Variants in KDM5B observed in about 807,000 individuals in gnomAD.
KDM5B encodes lysine demethylase 5B.
Under a neutral mutation model 193.4 loss-of-function variants are expected in KDM5B, and 144 were observed. That is an observed-to-expected ratio of 0.74 (90% CI 0.65 to 0.86). KDM5B has a LOEUF of 0.86. KDM5B is among the 40% of genes least tolerant of loss of function. The probability of loss-of-function intolerance (pLI) is 0.00; values close to 1 mark genes in which losing one functional copy is unlikely to be tolerated. For missense variants in KDM5B, 1,833 were observed against 1,886.9 expected (o/e 0.97, Z 0.53); for synonymous variants, 668 against 682.6 (o/e 0.98, Z 0.33).
intron 4 of KDM5B, among the ~76,000 whole-genome samples, chr1:202,767,964 C>G (rs1656544422): frequency 6.6e-6 from 1 of 152,146 alleles, no homozygotes; most frequent in African/African-American, 2.4e-5. Context: ...CTAGATTTTA[C>G]AACTGTATAG....
intron 6 of KDM5B, among the ~76,000 whole-genome samples, chr1:202,763,781 C>T (rs1479224270): frequency 6.6e-6 from 1 of 152,062 alleles, no homozygotes; most frequent in Non-Finnish European, 1.5e-5. Context: ...TAGCAACTTG[C>T]TACAGCTGAG....
At chr1:202,808,022 G>T in intron 1 of KDM5B, 80 bp downstream of exon 1, 1 of 1,369,300 alleles carries the variant, frequency 7.3e-7, no homozygotes, top group Non-Finnish European at 9.7e-7. Flanking sequence ...CGCCCCCCGC[G>T]CCTCGGGCCT....
chr1:202,760,150 C>A (rs1252088061), intron 8 of KDM5B, among the ~76,000 whole-genome samples: 3 of 151,826 alleles, frequency 2.0e-5, no homozygotes, highest in African/African-American at 4.8e-5. Context: ...CCCCTCTGTA[C>A]AAAGAATACA....
At position 202,727,889 on chromosome 1, in the gene KDM5B, A is replaced by T. The variant is rs1654729612; in HGVS notation, c.*1147T>A. On this transcript the variant is annotated 3_prime_UTR_variant, in exon 27 of 27. Transcript: ENST00000367265. Reference sequence around the variant, plus strand: ...ATAAAGGCAGCATTCCACAAGGAAGACTGATTTGAGGATTGAAGTGATTTG... The same window carrying T: ...ATAAAGGCAGCATTCCACAAGGAAGTCTGATTTGAGGATTGAAGTGATTTG... 1 of 152,670 alleles carries T rather than the reference A, an allele frequency of 6.6e-6. No homozygotes were observed. Among genetic ancestry groups the T allele is most frequent in the Non-Finnish European group, 1.5e-5 (1 of 68,046 alleles). 9.5% of individuals were successfully genotyped at this position (152,670 alleles called of 1,614,324 possible). A position where few individuals can be genotyped will look rare whatever the true frequency, so the allele number is the denominator to read the frequency against.
At chr1:202,800,067 C>T (rs1195069875) in intron 1 of KDM5B, among the ~76,000 whole-genome samples, 2 of 152,102 alleles carry the variant, frequency 1.3e-5, no homozygotes, top group Non-Finnish European at 2.9e-5. Context: ...TTTTTTGAGA[C>T]GGAGTCTTGC....
chr1:202,778,113 T>C (rs1406351268), intron 1 of KDM5B, among the ~76,000 whole-genome samples: 1 of 151,752 alleles, frequency 6.6e-6, no homozygotes, highest in Admixed American at 6.6e-5. Context: ...AGGCAGAGGT[T>C]GCAGTGAGCC....
At chr1:202,734,444 G>C (rs1037973491) in intron 22 of KDM5B, among the ~76,000 whole-genome samples, 4 of 151,682 alleles carry the variant, frequency 2.6e-5, no homozygotes, top group African/African-American at 9.7e-5. Context: ...TGACAGCTTA[G>C]AGATGGAAAG....
intron 19 of KDM5B, 41 bp downstream of exon 19, chr1:202,741,318 GGAGATAAC>G (rs1655327997): frequency 3.0e-6 from 4 of 1,339,350 alleles, no homozygotes; most frequent in Non-Finnish European, 4.1e-6. Flanking sequence ...TGTTTAAGCT[GGAGATAAC>G]TGTCCAACCT....
At chr1:202,769,950 CAT>C (rs1178958695) in intron 4 of KDM5B, among the ~76,000 whole-genome samples, 1 of 152,106 alleles carries the variant, frequency 6.6e-6, no homozygotes, top group Non-Finnish European at 1.5e-5. Context: ...AGCTGAATGA[CAT>C]AAATTGTATT....
intron 1 of KDM5B, among the ~76,000 whole-genome samples, chr1:202,785,903 C>T (rs1187432419): frequency 1.4e-5 from 2 of 141,464 alleles, no homozygotes; most frequent in Admixed American, 7.1e-5. Context: ...GAGCAAGACT[C>T]CCAATTAAAA....
At chr1:202,776,357 A>G (rs1461793035) in intron 2 of KDM5B, 1 of 152,180 alleles carries the variant, frequency 6.6e-6, no homozygotes, top group Non-Finnish European at 1.5e-5. Flanking sequence ...AAGGAACTTA[A>G]TTAGTACTGT....
chr1:202,753,869 C>T (rs1303529772), intron 11 of KDM5B, among the ~76,000 whole-genome samples: 1 of 151,762 alleles, frequency 6.6e-6, no homozygotes, highest in Non-Finnish European at 1.5e-5. Context: ...GGGGTTTCAC[C>T]ATGTTGCCAG....
Position 202,741,677 on chromosome 1 carries a change from G to C in KDM5B, c.2635C>G (p.Leu879Val). 1.2e-6 allele frequency: 2 copies of C among 1,612,818 alleles called. No individual in the cohort carries two copies. Among genetic ancestry groups the C allele is most frequent in the Non-Finnish European group, 1.7e-6 (2 of 1,179,178 alleles). ...GCACTAGGCGTTTCCTCAGAGAGTA[G>C]TTTCTGACTATGCTGTTGAAAATCT... is the stretch of plus-strand genomic sequence containing the variant. ...VEDFQQHSQK[L>V]LSEETPSAAE... The change falls in exon 19 of 27, where the codon CTA becomes GTA. Residue 879 changes from leucine to valine, a missense_variant. Leu to Val is a conservative substitution (Grantham distance 32). Transcript: ENST00000367265.
At chr1:202,778,009 T>C (rs1657034346) in intron 1 of KDM5B, among the ~76,000 whole-genome samples, 1 of 152,012 alleles carries the variant, frequency 6.6e-6, no homozygotes, top group African/African-American at 2.4e-5. Flanking sequence ...ACCCTGTCTC[T>C]ACTAAAACTA....
At chr1:202,749,264 C>T (rs1327340877) in intron 13 of KDM5B, 125 bp from the exon 14 acceptor site, 25 of 821,432 alleles carry the variant, frequency 3.0e-5, no homozygotes, top group Non-Finnish European at 4.6e-5. Context: ...CATTTACCAA[C>T]CCTAAAACCA....
rs543155705 is a variant in KDM5B, at chr1:202,808,330, G to A, written c.-25C>T. 79 of 1,548,182 alleles carry A rather than the reference G, an allele frequency of 5.1e-5. 1 individual carries two copies. The South Asian group carries it at 8.9e-4, about 17-fold the overall frequency. On this transcript the variant is annotated 5_prime_UTR_variant, in exon 1 of 27. Coordinates refer to ENST00000367265, the MANE Select transcript of KDM5B (RefSeq NM_006618.5). ...TCACCGCAGGCTGGGCAAGGGCGAG[G>A]CGAAGGTGGGCTCCGGGACCGAGGC...
At position 202,740,743 on chromosome 1, in the gene KDM5B, G is replaced by A. The variant is rs1655302953; in HGVS notation, c.3015C>T (p.Pro1005=). Residue 1005 remains proline, a synonymous_variant, in exon 20 of 27, where the codon CCC becomes CCT. Transcript: ENST00000367265. Reference sequence around the variant, plus strand: ...CTGAGTCTTTCAGAGCCGCACCATTGGGCAGATATGCAGGGATCTCTTCGA... The same window carrying A: ...CTGAGTCTTTCAGAGCCGCACCATTAGGCAGATATGCAGGGATCTCTTCGA... The part of the protein sequence containing the change: ...KEIEEIPAYL[P]NGAALKDSVQ... 2 of 1,612,854 alleles carry A rather than the reference G, an allele frequency of 1.2e-6. No homozygotes were observed. The highest frequency in any genetic ancestry group is 3.3e-5 in the Admixed American group (2 of 60,022).
intron 7 of KDM5B, 37 bp from the exon 8 acceptor site, chr1:202,760,610 T>A (rs1656208927): frequency 6.8e-7 from 1 of 1,466,446 alleles, no homozygotes; most frequent in Admixed American, 2.3e-5. Context: ...CAAAGGAACA[T>A]GAGCTATTAT....
intron 1 of KDM5B, among the ~76,000 whole-genome samples, chr1:202,787,892 C>CAA (rs35173977): frequency 7.7e-6 from 1 of 130,568 alleles, no homozygotes; most frequent in African/African-American, 3.0e-5. Flanking sequence ...GACTCTGTCT[C>CAA]AAAAAAAAAA....
Sources: gnomAD v4.1 joint callset for allele counts (sites outside exome capture counted in the v4.1 genomes callset) on GRCh38, gnomAD v4.1.1 for gene constraint, MANE v1.5 for transcripts, NCBI Gene and HGNC (gene_info 2026-07-23, HGNC 2026-07-21) for gene names.